H1-1: variants seen among roughly 807,000 people sequenced by gnomAD.
H1-1 encodes the protein H1.1 linker histone, cluster member, also known as histone H1.1.
H1-1 carries 2 observed loss-of-function variants against 0.8 expected under a neutral mutation model. The ratio of observed to expected loss-of-function variants is 2.64; its 90% CI spans 1.08 to 8.30. H1-1 has a LOEUF of 8.30. Ranked by LOEUF, H1-1 falls within the 30% of genes most tolerant of loss-of-function variation. The pLI, the probability that H1-1 is intolerant of heterozygous loss-of-function variation, is 0.04. For synonymous variants in H1-1, 211 were observed against 108.2 expected (o/e 1.95, Z -5.89); for missense variants, 516 against 262.6 (o/e 1.97, Z -6.67).
Position 26,017,485 on chromosome 6 carries a change from A to C in H1-1, c.248T>G (p.Ile83Ser), listed in dbSNP as rs893029961. The change falls in exon 1 of 1, where the codon ATT becomes AGT. Residue 83 changes from isoleucine to serine, a missense_variant. Ile to Ser is a moderately radical substitution (Grantham distance 142, BLOSUM62 -2). Transcript: ENST00000244573. Reference protein sequence around the residue: ...GYDVEKNNSRIKLGIKSLVSK... With the variant: ...GYDVEKNNSRSKLGIKSLVSK... ...TACCAGGCTCTTAATGCCCAGCTTAATGCGGCTGTTGTTCTTCTCCACGTC... is the reference window on the plus strand; with the variant it reads ...TACCAGGCTCTTAATGCCCAGCTTACTGCGGCTGTTGTTCTTCTCCACGTC... 1 of 1,614,132 alleles carries C rather than the reference A, an allele frequency of 6.2e-7. No individual in the cohort carries two copies. The highest frequency in any genetic ancestry group is 8.5e-7 in the Non-Finnish European group (1 of 1,180,040).
chr6:26,017,519 C>A lies in H1-1; in HGVS notation c.214G>T (p.Ala72Ser), dbSNP rs778104178. 4.3e-6 allele frequency: 7 copies of A among 1,614,008 alleles called. No individual in the cohort carries two copies. The highest frequency in any genetic ancestry group is 5.9e-6 in the Non-Finnish European group (7 of 1,180,040). ...LAALKKALAA[A>S]GYDVEKNNSR... ...TTGTTCTTCTCCACGTCGTAGCCTGCGGCCGCCAGCGCCTTTTTAAGAGCT... is the reference window on the plus strand; with the variant it reads ...TTGTTCTTCTCCACGTCGTAGCCTGAGGCCGCCAGCGCCTTTTTAAGAGCT... The change falls in exon 1 of 1, where the codon GCA becomes TCA. Residue 72 changes from alanine (A) to serine (S), a missense_variant. By Grantham distance (99) the Ala-to-Ser change is moderately conservative. Transcript: ENST00000244573.
chr6:26,017,786 G>A lies in H1-1; in HGVS notation c.-54C>T, dbSNP rs756731017. The A allele has an allele frequency of 5.3e-6, 8 of 1,516,992 alleles. No individual in the cohort carries two copies. The highest frequency in any genetic ancestry group is 4.5e-5 in the East Asian group (2 of 44,036). 94.0% of individuals were successfully genotyped at this position (1,516,992 alleles called of 1,614,324 possible). On this transcript the variant is annotated 5_prime_UTR_variant, in exon 1 of 1. Transcript: ENST00000244573. ...TGGTATAAACCTGACGAAGCAGGAT[G>A]CGAAAAAAAGGCCCCAACGCAGCCT...
At position 26,017,371 on chromosome 6, in the gene H1-1, G is replaced by A. The variant is rs756499669; in HGVS notation, c.362C>T (p.Pro121Leu). The change falls in exon 1 of 1, where the codon CCC (proline) becomes CTC (leucine). Residue 121 changes from proline to leucine, a missense_variant. Physicochemically the swap from Pro to Leu is moderately conservative, Grantham distance 98. Coordinates refer to ENST00000244573, the MANE Select transcript of H1-1 (RefSeq NM_005325.4). Reference sequence around the variant, plus strand: ...TTTTGTAGCCACCTTTGAGGCGCCGGGCTTGGTTTCCACGGAGGACGCCTT... The same window carrying A: ...TTTTGTAGCCACCTTTGAGGCGCCGAGCTTGGTTTCCACGGAGGACGCCTT... ...NKKASSVETK[P>L]GASKVATKTK... is the part of the protein sequence containing the mutation. 2 of 1,613,956 alleles carry A rather than the reference G, an allele frequency of 1.2e-6. No homozygotes were observed. The highest frequency in any genetic ancestry group is 1.1e-5 in the South Asian group (1 of 91,086).
At position 26,017,354 on chromosome 6, in the gene H1-1, C is replaced by A. The variant is rs775523555; in HGVS notation, c.379G>T (p.Ala127Ser). The A allele has an allele frequency of 5.0e-6, 8 of 1,613,942 alleles. No homozygotes were observed. Among genetic ancestry groups the A allele is most frequent in the Non-Finnish European group, 5.1e-6 (6 of 1,180,038 alleles). Residue 127 changes from alanine to serine, a missense_variant, in exon 1 of 1, where the codon GCT (alanine) becomes TCT (serine). Ala to Ser is a moderately conservative substitution (Grantham distance 99). Coordinates refer to ENST00000244573, the MANE Select transcript of H1-1 (RefSeq NM_005325.4). ...VETKPGASKV[A>S]TKTKATGASK... is the part of the protein sequence containing the mutation. Reference sequence around the variant, plus strand: ...GCACCCGTTGCCTTAGTTTTTGTAGCCACCTTTGAGGCGCCGGGCTTGGTT... The same window carrying A: ...GCACCCGTTGCCTTAGTTTTTGTAGACACCTTTGAGGCGCCGGGCTTGGTT...
chr6:26,017,556 A>C lies in H1-1; in HGVS notation c.177T>G (p.Gly59=), dbSNP rs777721177. The C allele has an allele frequency of 1.2e-6, 2 of 1,614,100 alleles. No individual in the cohort carries two copies. Among genetic ancestry groups the C allele is most frequent in the East Asian group, 2.2e-5 (1 of 44,876 alleles). The change falls in exon 1 of 1, where the codon GGT becomes GGG. Residue 59 remains glycine (G), a synonymous_variant. Transcript: ENST00000244573. The part of the protein sequence containing the change: ...QAASSSKERG[G]VSLAALKKAL... The stretch of plus-strand genomic sequence containing the variant: ...CCTTTTTAAGAGCTGCCAACGACAC[A>C]CCACCACGCTCCTTAGAGGAGGAAG...
In H1-1 at chr6:26,017,672, C is replaced by G; in HGVS notation, c.61G>C (p.Gly21Arg). ...ASAAPEKPLA[G>R]KKAKKPAKAA... ...TTAGCAGGTTTCTTTGCCTTCTTGCCAGCTAAAGGTTTCTCAGGAGCAGCA... is the reference window on the plus strand; with the variant it reads ...TTAGCAGGTTTCTTTGCCTTCTTGCGAGCTAAAGGTTTCTCAGGAGCAGCA... The change falls in exon 1 of 1, where the codon GGC becomes CGC. Residue 21 changes from glycine (G) to arginine (R), a missense_variant. Coordinates refer to ENST00000244573, the MANE Select transcript of H1-1 (RefSeq NM_005325.4). 2 of 1,614,032 alleles carry G rather than the reference C, an allele frequency of 1.2e-6. No homozygotes were observed. Among genetic ancestry groups the G allele is most frequent in the Non-Finnish European group, 1.7e-6 (2 of 1,180,024 alleles).
chr6:26,017,776 G>A lies in H1-1; in HGVS notation c.-44C>T, dbSNP rs201609154. 2,932 of 1,552,556 alleles carry A rather than the reference G, an allele frequency of 1.9e-3. 73 individuals are homozygous for A. In the South Asian group the frequency reaches 0.026, roughly 14 times the overall value. On this transcript the variant is annotated 5_prime_UTR_variant, in exon 1 of 1. Transcript: ENST00000244573. Reference sequence around the variant, plus strand: ...CCAAATAAAGTGGTATAAACCTGACGAAGCAGGATGCGAAAAAAAGGCCCC... The same window carrying A: ...CCAAATAAAGTGGTATAAACCTGACAAAGCAGGATGCGAAAAAAAGGCCCC...
rs753265702 is a variant in H1-1, at chr6:26,017,356, AC to A, written c.376del (p.Val126TrpfsTer50). 1 of 1,613,712 alleles carries A rather than the reference AC, an allele frequency of 6.2e-7. No homozygotes were observed. Among genetic ancestry groups the A allele is most frequent in the Non-Finnish European group, 8.5e-7 (1 of 1,179,964 alleles). The stretch of plus-strand genomic sequence containing the variant: ...ACCCGTTGCCTTAGTTTTTGTAGCC[AC>A]CTTTGAGGCGCCGGGCTTGGTTTCC... ...SVETKPGASK[V>X]ATKTKATGAS... On this transcript the variant is annotated frameshift_variant, in exon 1 of 1. Coordinates refer to ENST00000244573, the MANE Select transcript of H1-1 (RefSeq NM_005325.4). LOFTEE classifies it low-confidence loss of function (END_TRUNC).
chr6:26,017,601 T>TA lies in H1-1; in HGVS notation c.131_132insT (p.Glu45ArgfsTer11), dbSNP rs1363964029. The TA allele has an allele frequency of 2.5e-6, 4 of 1,614,070 alleles. No homozygotes were observed. The Admixed American group carries it at 6.7e-5, about 27-fold the overall frequency. ...AGGAAGCAGCCTGCACGATCAGCTCTGACACGGAAGGGCCAGCGGGTTTTT... is the reference window on the plus strand; with the variant it reads ...AGGAAGCAGCCTGCACGATCAGCTCTAGACACGGAAGGGCCAGCGGGTTTTT... On this transcript the variant is annotated frameshift_variant, in exon 1 of 1. Transcript: ENST00000244573. LOFTEE classifies it low-confidence loss of function (END_TRUNC).
Position 26,017,402 on chromosome 6 carries a change from T to G in H1-1, c.331A>C (p.Asn111His), listed in dbSNP as rs1271268974. Residue 111 changes from asparagine to histidine, a missense_variant, in exon 1 of 1, where the codon AAC (asparagine) becomes CAC (histidine). Coordinates refer to ENST00000244573, the MANE Select transcript of H1-1 (RefSeq NM_005325.4). ...GTTTCCACGGAGGACGCCTTCTTGT[T>G]GAGCTTGAAGGAACCCGAGGCTCCG... is the stretch of plus-strand genomic sequence containing the variant. ...GTGASGSFKL[N>H]KKASSVETKP... is the part of the protein sequence containing the mutation. The G allele has an allele frequency of 6.2e-7, 1 of 1,614,002 alleles. No individual in the cohort carries two copies. Among genetic ancestry groups the G allele is most frequent in the Admixed American group, 1.7e-5 (1 of 60,006 alleles).
rs772788270 is a variant in H1-1, at chr6:26,017,327, A to G, written c.406T>C (p.Ser136Pro). 2 of 1,613,588 alleles carry G rather than the reference A, an allele frequency of 1.2e-6. No individual in the cohort carries two copies. Among genetic ancestry groups the G allele is most frequent in the South Asian group, 1.1e-5 (1 of 91,058 alleles). ...VATKTKATGA[S>P]KKLKKATGAS... ...CCCGTGGCCTTTTTGAGCTTTTTAG[A>G]TGCACCCGTTGCCTTAGTTTTTGTA... The change falls in exon 1 of 1, where the codon TCT (serine) becomes CCT (proline). Residue 136 changes from serine (S) to proline (P), a missense_variant. Coordinates refer to ENST00000244573, the MANE Select transcript of H1-1 (RefSeq NM_005325.4).
rs775399089 is a variant in H1-1 at position 26,017,719 on chromosome 6, A to T, written c.14T>A (p.Val5Glu). ...AGCAGAAGCGGCGGGGGCGGGAGGC[A>T]CTGTTTCAGACATGGTGACTAACAC... MSET[V>E]PPAPAASAAP... The change falls in exon 1 of 1, where the codon GTG becomes GAG. Residue 5 changes from valine to glutamate, a missense_variant. By Grantham distance (121) the Val-to-Glu change is moderately radical. Coordinates refer to ENST00000244573, the MANE Select transcript of H1-1 (RefSeq NM_005325.4). 10 of 1,612,832 alleles carry T rather than the reference A, an allele frequency of 6.2e-6. No homozygotes were observed. Among genetic ancestry groups the T allele is most frequent in the Non-Finnish European group, 8.5e-6 (10 of 1,179,632 alleles).
chr6:26,017,090 T>C lies in H1-1; in HGVS notation c.643A>G (p.Lys215Glu), dbSNP rs1761131837. ...AKPKKAAPKK[K>E] ...GAAGAAACTTCTAACTGAATTTACT[T>C]TTTCTTGGGTGCCGCTTTCTTGGGT... The change falls in exon 1 of 1, where the codon AAG becomes GAG. Residue 215 changes from lysine to glutamate, a missense_variant. Lys to Glu is a moderately conservative substitution (Grantham distance 56). Coordinates refer to ENST00000244573, the MANE Select transcript of H1-1 (RefSeq NM_005325.4). 5 of 1,574,382 alleles carry C rather than the reference T, an allele frequency of 3.2e-6. No homozygotes were observed. The highest frequency in any genetic ancestry group is 3.4e-6 in the Non-Finnish European group (4 of 1,168,604).
Position 26,017,650 on chromosome 6 carries a change from G to A in H1-1, c.83C>T (p.Ala28Val), listed in dbSNP as rs1290210048. 12 of 1,614,146 alleles carry A rather than the reference G, an allele frequency of 7.4e-6. No homozygotes were observed. The highest frequency in any genetic ancestry group is 9.3e-6 in the Non-Finnish European group (11 of 1,180,016). Residue 28 changes from alanine to valine, a missense_variant, in exon 1 of 1, where the codon GCT becomes GTT. Physicochemically the swap from Ala to Val is moderately conservative, Grantham distance 64. Transcript: ENST00000244573. ...PLAGKKAKKPAKAAAASKKKP... is the reference protein window; with the variant it reads ...PLAGKKAKKPVKAAAASKKKP... ...TTTCTTGGAGGCTGCTGCAGCCTTAGCAGGTTTCTTTGCCTTCTTGCCAGC... is the reference window on the plus strand; with the variant it reads ...TTTCTTGGAGGCTGCTGCAGCCTTAACAGGTTTCTTTGCCTTCTTGCCAGC...
At position 26,017,204 on chromosome 6, in the gene H1-1, G is replaced by C; in HGVS notation, c.529C>G (p.Pro177Ala). The change falls in exon 1 of 1, where the codon CCC becomes GCC. Residue 177 changes from proline (P) to alanine (A), a missense_variant. Coordinates refer to ENST00000244573, the MANE Select transcript of H1-1 (RefSeq NM_005325.4). ...KNPKKPKTVK[P>A]KKVAKSPAKA... ...GCAGGGCTTTTAGCTACTTTCTTGG[G>C]CTTTACAGTTTTGGGTTTTTTTGGA... is the stretch of plus-strand genomic sequence containing the variant. The C allele has an allele frequency of 6.2e-7, 1 of 1,614,156 alleles. No homozygotes were observed. The highest frequency in any genetic ancestry group is 1.1e-5 in the South Asian group (1 of 91,086).
chr6:26,017,363 A>G lies in H1-1; in HGVS notation c.370T>C (p.Ser124Pro). Residue 124 changes from serine to proline, a missense_variant, in exon 1 of 1, where the codon TCA becomes CCA. Ser to Pro is a moderately conservative substitution (Grantham distance 74). Coordinates refer to ENST00000244573, the MANE Select transcript of H1-1 (RefSeq NM_005325.4). ...ASSVETKPGA[S>P]KVATKTKATG... is the part of the protein sequence containing the mutation. ...GCCTTAGTTTTTGTAGCCACCTTTGAGGCGCCGGGCTTGGTTTCCACGGAG... is the reference window on the plus strand; with the variant it reads ...GCCTTAGTTTTTGTAGCCACCTTTGGGGCGCCGGGCTTGGTTTCCACGGAG... 2 of 1,613,736 alleles carry G rather than the reference A, an allele frequency of 1.2e-6. No individual in the cohort carries two copies. Among genetic ancestry groups the G allele is most frequent in the Non-Finnish European group, 8.5e-7 (1 of 1,179,948 alleles).
rs767993113 is a variant in H1-1, at chr6:26,017,681, G to A, written c.52C>T (p.Pro18Ser). The change falls in exon 1 of 1, where the codon CCT becomes TCT. Residue 18 changes from proline (P) to serine (S), a missense_variant. Coordinates refer to ENST00000244573, the MANE Select transcript of H1-1 (RefSeq NM_005325.4). ...TTCTTTGCCTTCTTGCCAGCTAAAG[G>A]TTTCTCAGGAGCAGCAGAAGCGGCG... Reference protein sequence around the residue: ...APAASAAPEKPLAGKKAKKPA... With the variant: ...APAASAAPEKSLAGKKAKKPA... 1.2e-6 allele frequency: 2 copies of A among 1,613,982 alleles called. No individual in the cohort carries two copies. The highest frequency in any genetic ancestry group is 2.2e-5 in the East Asian group (1 of 44,876).
chr6:26,017,345 T>A lies in H1-1; in HGVS notation c.388A>T (p.Thr130Ser). ...TTTTTAGATGCACCCGTTGCCTTAG[T>A]TTTTGTAGCCACCTTTGAGGCGCCG... ...KPGASKVATK[T>S]KATGASKKLK... The change falls in exon 1 of 1, where the codon ACT becomes TCT. Residue 130 changes from threonine (T) to serine (S), a missense_variant. Coordinates refer to ENST00000244573, the MANE Select transcript of H1-1 (RefSeq NM_005325.4). The A allele has an allele frequency of 1.9e-6, 3 of 1,614,022 alleles. No individual in the cohort carries two copies. Among genetic ancestry groups the A allele is most frequent in the Non-Finnish European group, 2.5e-6 (3 of 1,179,998 alleles).
Position 26,017,358 on chromosome 6 carries a change from C to T in H1-1, c.375G>A (p.Lys125=), listed in dbSNP as rs764013446. ...SSVETKPGAS[K]VATKTKATGA... is the part of the protein sequence containing the mutation. The stretch of plus-strand genomic sequence containing the variant: ...CCGTTGCCTTAGTTTTTGTAGCCAC[C>T]TTTGAGGCGCCGGGCTTGGTTTCCA... The change falls in exon 1 of 1, where the codon AAG becomes AAA. Residue 125 remains lysine, a synonymous_variant. Transcript: ENST00000244573. The T allele has an allele frequency of 1.3e-5, 21 of 1,613,986 alleles. No individual in the cohort carries two copies. The highest frequency in any genetic ancestry group is 5.5e-5 in the South Asian group (5 of 91,082).
Sources: gnomAD v4.1 joint callset for allele counts on GRCh38, gnomAD v4.1.1 for gene constraint, MANE v1.5 for transcripts, NCBI Gene and HGNC (gene_info 2026-07-23, HGNC 2026-07-21) for gene names.